FGGY: variants seen among roughly 807,000 people sequenced by gnomAD.
The protein encoded by FGGY is FGGY carbohydrate kinase domain-containing protein.
A neutral mutation model predicts 71.3 loss-of-function variants in FGGY; 72 were observed. That is an observed-to-expected ratio of 1.01 (90% CI 0.84 to 1.23). FGGY has a LOEUF of 1.23. Ranked by LOEUF, FGGY falls within the 50% of genes most tolerant of loss-of-function variation. FGGY has a pLI of 0.00. For synonymous variants in FGGY, 251 were observed against 250.3 expected (o/e 1.00, Z -0.02); for missense variants, 668 against 682.3 (o/e 0.98, Z 0.23).
intron 14 of FGGY, among the ~76,000 whole-genome samples, chr1:59,739,838 G>A (rs904973208): frequency 6.6e-6 from 1 of 152,178 alleles, no homozygotes. Flanking sequence ...CCATAAGGCA[G>A]GCTTCTACCA....
At chr1:59,679,707 A>C (rs1408463808) in intron 14 of FGGY, among the ~76,000 whole-genome samples, 1 of 152,154 alleles carries the variant, frequency 6.6e-6, no homozygotes, top group Non-Finnish European at 1.5e-5. Flanking sequence ...TTAAATTACA[A>C]AATGTATTAT....
At chr1:59,361,993 C>A (rs1185052993) in intron 4 of FGGY, among the ~76,000 whole-genome samples, 1 of 152,184 alleles carries the variant, frequency 6.6e-6, no homozygotes, top group East Asian at 1.9e-4. Flanking sequence ...CATTCATCCA[C>A]AGGAAAGACA....
intron 5 of FGGY, among the ~76,000 whole-genome samples, chr1:59,407,651 C>T (rs1341010481): frequency 1.3e-5 from 2 of 152,174 alleles, no homozygotes; most frequent in Non-Finnish European, 2.9e-5. Flanking sequence ...CCATTCACTT[C>T]TTCACATTAG....
At chr1:59,737,419 C>T (rs1361369958) in intron 14 of FGGY, among the ~76,000 whole-genome samples, 1 of 152,252 alleles carries the variant, frequency 6.6e-6, no homozygotes, top group African/African-American at 2.4e-5. Flanking sequence ...CCCATGAAAG[C>T]ATCTGGGAGG....
Position 59,656,211 on chromosome 1 carries a change from A to G in FGGY, c.1222-4008A>G, listed in dbSNP as rs987638160. ...TTTGTCTGTCTCGCCCAAACATTCA[A>G]AATAGGCACAGGCACATCAATAAAC... On this transcript the variant is annotated intron_variant, in intron 11 of 15. Transcript: ENST00000303721. Among the ~76,000 whole-genome samples the G allele has an allele frequency of 5.3e-5, 8 of 152,192 alleles. 1 individual carries two copies. Among genetic ancestry groups the G allele is most frequent in the Non-Finnish European group, 7.3e-5 (5 of 68,032 alleles).
chr1:59,534,060 G>A (rs1049273480), intron 7 of FGGY, among the ~76,000 whole-genome samples: 2 of 152,078 alleles, frequency 1.3e-5, no homozygotes, highest in Non-Finnish European at 2.9e-5. Context: ...TCAAACCAAA[G>A]GCAAAGAAGT....
At position 59,561,797 on chromosome 1, in the gene FGGY, G is replaced by C. The variant is rs56743363; in HGVS notation, c.903+7570G>C. Among the ~76,000 whole-genome samples, 1,065 of 152,292 alleles carry C rather than the reference G, an allele frequency of 7.0e-3. 10 individuals are homozygous for C. The highest frequency in any genetic ancestry group is 0.024 in the African/African-American group (997 of 41,554). ...TTTGAGCCCTCTGGAAGACTGACCA[G>C]AGAGTCCTTCCTCCTCCCTTTCAGC... On this transcript the variant is annotated intron_variant, in intron 8 of 15. Coordinates refer to ENST00000303721, the MANE Select transcript of FGGY (RefSeq NM_018291.5).
At chr1:59,752,017 C>A (rs2098249591) in intron 14 of FGGY, among the ~76,000 whole-genome samples, 1 of 152,164 alleles carries the variant, frequency 6.6e-6, no homozygotes, top group Admixed American at 6.5e-5. Flanking sequence ...TGGAGAGCTC[C>A]CACTCTCCTC....
At chr1:59,423,663 A>G (rs906664487) in intron 5 of FGGY, among the ~76,000 whole-genome samples, 1 of 152,174 alleles carries the variant, frequency 6.6e-6, no homozygotes, top group Non-Finnish European at 1.5e-5. Context: ...GTCTCTGAGC[A>G]TAGCACTGAA....
intron 13 of FGGY, among the ~76,000 whole-genome samples, chr1:59,669,140 G>A (rs1436014921): frequency 6.6e-6 from 1 of 152,180 alleles, no homozygotes; most frequent in Non-Finnish European, 1.5e-5. Flanking sequence ...ACCAAAGGTA[G>A]AAATCGGTGC....
At chr1:59,458,890 TCCTCTGGAAG>T (rs1430216842) in intron 6 of FGGY, among the ~76,000 whole-genome samples, 1 of 152,206 alleles carries the variant, frequency 6.6e-6, no homozygotes, top group Non-Finnish European at 1.5e-5. Context: ...TTTCAGAAAC[TCCTCTGGAAG>T]CTACCTCTAG....
chr1:59,718,182 A>G (rs149857636), intron 14 of FGGY, among the ~76,000 whole-genome samples: 13 of 152,290 alleles, frequency 8.5e-5, no homozygotes, highest in Non-Finnish European at 1.9e-4. Flanking sequence ...AACTAAACAA[A>G]CTGTTACGCT....
chr1:59,521,675 G>A (rs1388605673), intron 7 of FGGY, among the ~76,000 whole-genome samples: 1 of 152,136 alleles, frequency 6.6e-6, no homozygotes, highest in Non-Finnish European at 1.5e-5. Context: ...CCAGACAATG[G>A]TGAATCATCC....
Position 59,605,026 on chromosome 1 carries a change from A to C in FGGY, c.904-2777A>C, listed in dbSNP as rs535749004. ...TGCTCTCCTTGTGGCTGGAACATTC[A>C]CCATAGCTCACTCGTGCATTCTTTC... is the stretch of plus-strand genomic sequence containing the variant. On this transcript the variant is annotated intron_variant, in intron 8 of 15. Transcript: ENST00000303721. Among the ~76,000 whole-genome samples, 319 of 152,284 alleles carry C rather than the reference A, an allele frequency of 2.1e-3. 2 individuals carry two copies. The highest frequency in any genetic ancestry group is 7.3e-3 in the African/African-American group (302 of 41,558).
chr1:59,610,595 C>T (rs558914115), intron 9 of FGGY, among the ~76,000 whole-genome samples: 26 of 152,318 alleles, frequency 1.7e-4, no homozygotes, highest in East Asian at 1.5e-3. Flanking sequence ...GCGATGCAGA[C>T]GACCAGTGAT....
intron 6 of FGGY, among the ~76,000 whole-genome samples, chr1:59,464,387 G>C (rs1243520610): frequency 1.3e-5 from 2 of 152,186 alleles, no homozygotes; most frequent in African/African-American, 2.4e-5. Context: ...GAAACTTATA[G>C]CACTAAATGC....
chr1:59,740,213 A>C lies in FGGY; in HGVS notation c.1513-17718A>C, dbSNP rs185403752. Among the ~76,000 whole-genome samples the C allele has an allele frequency of 1.9e-3, 292 of 152,320 alleles. 2 individuals are homozygous for C. The highest frequency in any genetic ancestry group is 6.7e-3 in the African/African-American group (277 of 41,564). On this transcript the variant is annotated intron_variant, in intron 14 of 15. Transcript: ENST00000303721. ...ACTTCAGTTACCCAATGTGAGTGTC[A>C]ATCTCTTTCCTAATAGGAACCTGAA...
At position 59,727,930 on chromosome 1, in the gene FGGY, C is replaced by A. The variant is rs145704861; in HGVS notation, c.1513-30001C>A. ...GCTTTCTGCATCCCTTTACTTATAA[C>A]CTGTCTAAGTTAAAAGTGGGTTTCT... is the stretch of plus-strand genomic sequence containing the variant. On this transcript the variant is annotated intron_variant, in intron 14 of 15. Coordinates refer to ENST00000303721, the MANE Select transcript of FGGY (RefSeq NM_018291.5). 2.0e-5 allele frequency among the ~76,000 whole-genome samples: 3 copies of A among 152,166 alleles called. No individual in the cohort carries two copies. The South Asian group carries it at 6.2e-4, about 31-fold the overall frequency.
intron 7 of FGGY, chr1:59,553,904 A>G (rs1172484299): frequency 4.1e-5 from 17 of 416,304 alleles, no homozygotes; most frequent in Middle Eastern, 1.2e-3. Context: ...TGGGTGCCAT[A>G]CATTGACCAG....
Sources: gnomAD v4.1 joint callset for allele counts (sites outside exome capture counted in the v4.1 genomes callset) on GRCh38, gnomAD v4.1.1 for gene constraint, MANE v1.5 for transcripts, NCBI Gene and HGNC (gene_info 2026-07-23, HGNC 2026-07-21) for gene names.